Variants in TRPC4AP observed in about 807,000 individuals in gnomAD.
TRPC4AP encodes the protein transient receptor potential cation channel subfamily C member 4 associated protein.
In TRPC4AP, 45 loss-of-function variants were observed where a neutral mutation model predicts 99.0. That is an observed-to-expected ratio of 0.45 (90% CI 0.36 to 0.58). The LOEUF (loss-of-function observed/expected upper bound fraction) is 0.58. Among genes scored for constraint, TRPC4AP ranks in the 20% least tolerant of loss-of-function variants. TRPC4AP has a pLI of 0.00. For synonymous variants in TRPC4AP, 408 were observed against 385.8 expected (o/e 1.06, Z -0.67); for missense variants, 879 against 985.3 (o/e 0.89, Z 1.44).
chr20:35,046,179 T>A (rs1027700008), intron 6 of TRPC4AP, among the ~76,000 whole-genome samples: 13 of 152,340 alleles, frequency 8.5e-5, no homozygotes, highest in African/African-American at 2.6e-4. Context: ...AATTTTAATA[T>A]CCTATAAGTT....
rs1406322988 is a variant in TRPC4AP, at chr20:35,074,873, T to TA, written c.297+3172dup. On this transcript the variant is annotated intron_variant, in intron 2 of 18. Coordinates refer to ENST00000252015, the MANE Select transcript of TRPC4AP (RefSeq NM_015638.3). ...CTGTCTAATGTTGACAGTGGGGTGT[T>TA]AAAGTCTCCCATTATTATTGTGTGG... Among the ~76,000 whole-genome samples, 5 of 152,210 alleles carry TA rather than the reference T, an allele frequency of 3.3e-5. No individual in the cohort carries two copies. In the East Asian group the frequency reaches 9.6e-4, roughly 29 times the overall value.
chr20:35,065,778 G>A (rs2084128237), intron 3 of TRPC4AP, among the ~76,000 whole-genome samples: 1 of 152,174 alleles, frequency 6.6e-6, no homozygotes. Context: ...GCTCCTACTA[G>A]AGAGCCACAT....
chr20:35,066,152 TG>T (rs1211228943), intron 3 of TRPC4AP, among the ~76,000 whole-genome samples: 3 of 152,300 alleles, frequency 2.0e-5, no homozygotes, highest in East Asian at 3.9e-4. Context: ...TCACCCAGGC[TG>T]CAGTTCATGG....
In TRPC4AP at chr20:35,003,061, AGGAACG is replaced by A; in HGVS notation, c.*79_*84del. ...CTGGGGCAGGCAGAGAGCAGCAGGGAGGAACGGGAACAGGGCAGGGCGTGTGGCATC... is the reference window on the plus strand; with the variant it reads ...CTGGGGCAGGCAGAGAGCAGCAGGGAGGAACAGGGCAGGGCGTGTGGCATC... On this transcript the variant is annotated 3_prime_UTR_variant, in exon 19 of 19. Transcript: ENST00000252015. 2 of 1,556,752 alleles carry A rather than the reference AGGAACG, an allele frequency of 1.3e-6. No homozygotes were observed. Among genetic ancestry groups the A allele is most frequent in the South Asian group, 1.2e-5 (1 of 84,640 alleles).
At chr20:35,014,746 A>G (rs1371936595) in intron 10 of TRPC4AP, among the ~76,000 whole-genome samples, 1 of 152,216 alleles carries the variant, frequency 6.6e-6, no homozygotes, top group African/African-American at 2.4e-5. Flanking sequence ...CCATGGCACC[A>G]GGCCGATGGC....
At chr20:35,060,697 A>G (rs1262735068) in intron 3 of TRPC4AP, among the ~76,000 whole-genome samples, 1 of 152,064 alleles carries the variant, frequency 6.6e-6, no homozygotes, top group African/African-American at 2.4e-5. Context: ...GAAAATCAAT[A>G]TAATACACCA....
chr20:35,083,540 G>A (rs923889600), intron 1 of TRPC4AP, among the ~76,000 whole-genome samples: 1 of 151,678 alleles, frequency 6.6e-6, no homozygotes, highest in Non-Finnish European at 1.5e-5. Context: ...AACCTGGGAG[G>A]CGGAGGTTGC....
intron 9 of TRPC4AP, among the ~76,000 whole-genome samples, chr20:35,017,730 A>T (rs1014615008): frequency 2.0e-5 from 3 of 152,204 alleles, no homozygotes; most frequent in African/African-American, 7.2e-5. Flanking sequence ...TGACAAAGAC[A>T]TCCCTGGCAG....
intron 7 of TRPC4AP, among the ~76,000 whole-genome samples, chr20:35,041,961 T>G (rs1473371070): frequency 6.6e-6 from 1 of 152,206 alleles, no homozygotes; most frequent in Non-Finnish European, 1.5e-5. Context: ...TGTCAATGTA[T>G]ATGGAGGTGT....
At chr20:35,013,135 C>T in intron 10 of TRPC4AP, 69 bp from the exon 11 acceptor site, 2 of 1,474,240 alleles carry the variant, frequency 1.4e-6, no homozygotes, top group Non-Finnish European at 1.9e-6. Context: ...CAAGCAGACA[C>T]TCTGGTGGGA....
intron 6 of TRPC4AP, among the ~76,000 whole-genome samples, chr20:35,046,656 G>A (rs2083567760): frequency 6.6e-6 from 1 of 152,118 alleles, no homozygotes; most frequent in African/African-American, 2.4e-5. Context: ...AGTAATGGAG[G>A]ACAGGAATTT....
chr20:35,018,157 G>A (rs1468936645), intron 9 of TRPC4AP, among the ~76,000 whole-genome samples: 2 of 152,226 alleles, frequency 1.3e-5, no homozygotes, highest in African/African-American at 2.4e-5. Context: ...AGAAACCCAA[G>A]CTTAAGAGAT....
Position 35,024,841 on chromosome 20 carries a change from A to C in TRPC4AP, c.1052-3485T>G, listed in dbSNP as rs867162096. On this transcript the variant is annotated intron_variant, in intron 8 of 18. Transcript: ENST00000252015. ...AGACCGTCTCAAAAAAAAAAAAAAA[A>C]AAAAAAAAAAAAAATTCTGTTTATT... Among the ~76,000 whole-genome samples the C allele has an allele frequency of 1.8e-4, 20 of 112,618 alleles. 1 individual carries two copies. The highest frequency in any genetic ancestry group is 5.3e-4 in the African/African-American group (17 of 31,920). The allele number at this position is 112,618 out of a possible 152,430, so 73.9% of individuals were successfully genotyped here.
In TRPC4AP at chr20:35,021,374, G is replaced by C. The variant is rs775561834; in HGVS notation, c.1052-18C>G. 1.2e-6 allele frequency: 2 copies of C among 1,611,324 alleles called. No homozygotes were observed. The highest frequency in any genetic ancestry group is 1.7e-4 in the Middle Eastern group (1 of 5,840). ...AATGGAGGCTGACACAGCCACCGGA[G>C]ACAGGATTGAGTCACAGCTTGTGAG... On this transcript the variant is annotated intron_variant, in intron 8 of 18. Coordinates refer to ENST00000252015, the MANE Select transcript of TRPC4AP (RefSeq NM_015638.3).
chr20:35,002,946 G>A lies in TRPC4AP; in HGVS notation c.*200C>T. The A allele has an allele frequency of 1.5e-6, 1 of 651,320 alleles. No individual in the cohort carries two copies. The allele number at this position is 651,320 out of a possible 1,614,324, so 40.3% of individuals were successfully genotyped here. A position where few individuals can be genotyped will look rare whatever the true frequency, so the allele number is the denominator to read the frequency against. On this transcript the variant is annotated 3_prime_UTR_variant, in exon 19 of 19. Transcript: ENST00000252015. ...CATGGTACCCTGTCCTCATTATGGG[G>A]ACTGAGGCTCTCCATGACCTAGGGC...
intron 7 of TRPC4AP, among the ~76,000 whole-genome samples, chr20:35,041,430 A>G (rs888330742): frequency 1.8e-4 from 27 of 152,272 alleles, no homozygotes; most frequent in African/African-American, 6.3e-4. Flanking sequence ...TGGAACTACA[A>G]CTTTTAGGCT....
intron 2 of TRPC4AP, 29 bp from the exon 3 acceptor site, chr20:35,069,441 T>C: frequency 2.1e-6 from 3 of 1,419,254 alleles, no homozygotes; most frequent in African/African-American, 1.4e-5. Flanking sequence ...AGTACATACA[T>C]TGTTTTAGTA....
chr20:35,092,227 G>A (rs947741262), intron 1 of TRPC4AP, among the ~76,000 whole-genome samples: 8 of 152,156 alleles, frequency 5.3e-5, no homozygotes, highest in African/African-American at 1.9e-4. Flanking sequence ...ACCATTTGGG[G>A]GCTGCAATGA....
intron 7 of TRPC4AP, among the ~76,000 whole-genome samples, chr20:35,042,557 A>G (rs1326441595): frequency 6.6e-6 from 1 of 152,184 alleles, no homozygotes; most frequent in Non-Finnish European, 1.5e-5. Flanking sequence ...TTAATGATAC[A>G]TTTGTATAAT....
Sources: gnomAD v4.1 joint callset for allele counts (sites outside exome capture counted in the v4.1 genomes callset) on GRCh38, gnomAD v4.1.1 for gene constraint, MANE v1.5 for transcripts, NCBI Gene and HGNC (gene_info 2026-07-23, HGNC 2026-07-21) for gene names.